FBXW7: variants seen among roughly 807,000 people sequenced by gnomAD.
FBXW7 encodes the protein F-box and WD repeat domain containing 7.
Under a neutral mutation model 86.3 loss-of-function variants are expected in FBXW7, and 11 were observed. The ratio of observed to expected loss-of-function variants is 0.13; its 90% CI spans 0.08 to 0.21. The LOEUF (loss-of-function observed/expected upper bound fraction) is 0.21. Ranked by LOEUF, FBXW7 falls within the 10% of genes least tolerant of loss-of-function variation. The pLI, the probability that FBXW7 is intolerant of heterozygous loss-of-function variation, is 1.00. For synonymous variants in FBXW7, 313 were observed against 297.9 expected, an observed-to-expected ratio of 1.05 and a Z score of -0.52; for missense variants, 488 against 847.4, an observed-to-expected ratio of 0.58 and a Z score of 5.27.
chr4:152,516,473 A>G (rs1174955174), intron 2 of FBXW7, among the ~76,000 whole-genome samples: 2 of 152,204 alleles, frequency 1.3e-5, no homozygotes, highest in Non-Finnish European at 2.9e-5. Flanking sequence ...ATCCACGGAA[A>G]AACTGTCTTC....
intron 2 of FBXW7, among the ~76,000 whole-genome samples, chr4:152,467,911 T>A (rs1743602142): frequency 6.6e-6 from 1 of 151,958 alleles, no homozygotes; most frequent in Non-Finnish European, 1.5e-5. Context: ...ATCATGTATG[T>A]GATAAGGGAC....
At chr4:152,444,900 T>C (rs1394233006) in intron 2 of FBXW7, among the ~76,000 whole-genome samples, 4 of 152,148 alleles carry the variant, frequency 2.6e-5, no homozygotes, top group Non-Finnish European at 5.9e-5. Flanking sequence ...GGCACAATAA[T>C]AGCTCAGCTC....
chr4:152,491,337 T>C (rs1351703300), intron 2 of FBXW7, among the ~76,000 whole-genome samples: 1 of 152,192 alleles, frequency 6.6e-6, no homozygotes, highest in Non-Finnish European at 1.5e-5. Flanking sequence ...ATTATTATTC[T>C]AGACATTAAA....
chr4:152,458,607 T>C (rs75965722), intron 2 of FBXW7, among the ~76,000 whole-genome samples: 2,085 of 152,320 alleles, frequency 0.014, 26 homozygotes, highest in Middle Eastern at 0.037. Context: ...CATACATCCA[T>C]TTGCACATTT....
intron 2 of FBXW7, among the ~76,000 whole-genome samples, chr4:152,441,274 G>A (rs575205801): frequency 6.6e-6 from 1 of 152,192 alleles, no homozygotes; most frequent in African/African-American, 2.4e-5. Context: ...GAGGAAAAAT[G>A]TAATCTCCAT....
At chr4:152,381,064 G>A (rs931236679) in intron 4 of FBXW7, among the ~76,000 whole-genome samples, 4 of 152,002 alleles carry the variant, frequency 2.6e-5, no homozygotes, top group East Asian at 3.9e-4. Context: ...TTCTGTTTTC[G>A]ATGTTTAAAC....
chr4:152,325,566 A>T (rs1728945141), intron 12 of FBXW7: 1 of 166,542 alleles, frequency 6.0e-6, no homozygotes, highest in African/African-American at 2.4e-5. Flanking sequence ...AGAGTGCTTT[A>T]TGCAGAAAGG....
At position 152,352,548 on chromosome 4, in the gene FBXW7, G is replaced by C. The variant is rs532708974; in HGVS notation, c.502-2424C>G. On this transcript the variant is annotated intron_variant, in intron 4 of 13. Transcript: ENST00000281708. Reference sequence around the variant, plus strand: ...TCCCCTTCAGTGATTCTGTGCCCCCGTGTGTCCGGCTGCTTGGCAGTCTCT... The same window carrying C: ...TCCCCTTCAGTGATTCTGTGCCCCCCTGTGTCCGGCTGCTTGGCAGTCTCT... 6.2e-7 allele frequency: 1 copy of C among 1,613,802 alleles called. No homozygotes were observed. The highest frequency in any genetic ancestry group is 8.5e-7 in the Non-Finnish European group (1 of 1,179,930).
chr4:152,471,375 A>AGGAAGGAGAGAAGGAAGGAG (rs1354627999), intron 2 of FBXW7, among the ~76,000 whole-genome samples: 59 of 143,190 alleles, frequency 4.1e-4, no homozygotes, highest in Non-Finnish European at 4.4e-4. Flanking sequence ...GAAGGAGGGA[A>AGGAAGGAGAGAAGGAAGGAG]GGAAGGAGAG....
At chr4:152,385,935 T>C (rs936671611) in intron 4 of FBXW7, among the ~76,000 whole-genome samples, 1 of 152,004 alleles carries the variant, frequency 6.6e-6, no homozygotes, top group Non-Finnish European at 1.5e-5. Context: ...TTCATTTTTT[T>C]GGGAGGATTC....
At chr4:152,467,423 A>C (rs1379469920) in intron 2 of FBXW7, among the ~76,000 whole-genome samples, 1 of 152,182 alleles carries the variant, frequency 6.6e-6, no homozygotes, top group African/African-American at 2.4e-5. Flanking sequence ...TAAACTACCC[A>C]GTCTTGGGTA....
At chr4:152,388,292 G>A (rs562850456) in intron 4 of FBXW7, among the ~76,000 whole-genome samples, 1 of 152,084 alleles carries the variant, frequency 6.6e-6, no homozygotes, top group African/African-American at 2.4e-5. Context: ...CCCTAACTAA[G>A]AGAAATATGC....
At chr4:152,522,775 G>A (rs1226215083) in intron 2 of FBXW7, among the ~76,000 whole-genome samples, 1 of 152,184 alleles carries the variant, frequency 6.6e-6, no homozygotes, top group African/African-American at 2.4e-5. Flanking sequence ...TAACAAAGAA[G>A]TAACCATGAG....
chr4:152,433,052 G>GT (rs1740057511), intron 2 of FBXW7, among the ~76,000 whole-genome samples: 1 of 152,142 alleles, frequency 6.6e-6, no homozygotes, highest in Non-Finnish European at 1.5e-5. Flanking sequence ...GTTGTCGCAT[G>GT]TATCAGAAAT....
intron 2 of FBXW7, among the ~76,000 whole-genome samples, chr4:152,456,749 C>G (rs1040034972): frequency 2.0e-5 from 3 of 152,134 alleles, no homozygotes; most frequent in African/African-American, 7.2e-5. Flanking sequence ...GGATGTGAAG[C>G]AACTGGAATG....
intron 2 of FBXW7, among the ~76,000 whole-genome samples, chr4:152,418,998 T>G (rs74289467): frequency 6.6e-6 from 1 of 152,152 alleles, no homozygotes; most frequent in South Asian, 2.1e-4. Flanking sequence ...TATCAGCCTA[T>G]ACAAGAAGTA....
chr4:152,519,565 T>C (rs111942678), intron 2 of FBXW7, among the ~76,000 whole-genome samples: 1 of 152,238 alleles, frequency 6.6e-6, no homozygotes, highest in Non-Finnish European at 1.5e-5. Context: ...AAATTTATTC[T>C]ACTGCTAACA....
chr4:152,489,061 CTAAA>C (rs987451227), intron 2 of FBXW7, among the ~76,000 whole-genome samples: 33 of 152,048 alleles, frequency 2.2e-4, no homozygotes, highest in Middle Eastern at 3.4e-3. Flanking sequence ...ACTTTTGAGG[CTAAA>C]TAGAGAATAG....
intron 6 of FBXW7, among the ~76,000 whole-genome samples, chr4:152,338,571 G>A (rs934153398): frequency 7.2e-5 from 11 of 151,836 alleles, no homozygotes; most frequent in Admixed American, 7.2e-4. Flanking sequence ...GCCAAAAGAG[G>A]ATAAGAAAGA....
Sources: gnomAD v4.1 joint callset for allele counts (sites outside exome capture counted in the v4.1 genomes callset) on GRCh38, gnomAD v4.1.1 for gene constraint, MANE v1.5 for transcripts, NCBI Gene and HGNC (gene_info 2026-07-23, HGNC 2026-07-21) for gene names.